RAB33A: variants seen among roughly 807,000 people sequenced by gnomAD.
RAB33A encodes the protein ras-related protein Rab-33A.
RAB33A carries 6 observed loss-of-function variants against 12.0 expected under a neutral mutation model. The observed-to-expected ratio is 0.50, with a 90% CI of 0.27 to 0.99. The LOEUF (loss-of-function observed/expected upper bound fraction) is 0.99, where lower values mean the gene tolerates loss of function less well. RAB33A is among the 50% of genes least tolerant of loss of function. The pLI, the probability that RAB33A is intolerant of heterozygous loss-of-function variation, is 0.11. For synonymous variants in RAB33A, 70 were observed against 82.4 expected (o/e 0.85, Z 0.81); for missense variants, 109 against 192.0 (o/e 0.57, Z 2.55).
At chrX:130,130,409 C>T in the RAB33A span, among the ~76,000 whole-genome samples, 17 of 111,805 alleles carry the variant, frequency 1.5e-4, no homozygotes, top group South Asian at 5.2e-3. Flanking sequence ...CCCTAAACTT[C>T]CCTCCCTTAT....
the RAB33A span, chrX:130,148,058 C>A: frequency 1.9e-6 from 1 of 538,848 alleles, no homozygotes; most frequent in Non-Finnish European, 3.1e-6. Context: ...AGCAAGTATC[C>A]CTTTCATTTC....
intron 1 of RAB33A, among the ~76,000 whole-genome samples, chrX:130,183,896 T>C (rs1343335788): frequency 8.9e-6 from 1 of 111,940 alleles, no homozygotes; most frequent in Non-Finnish European, 1.9e-5. Flanking sequence ...GTCACTTTTT[T>C]TATTTTTTTT....
Position 130,184,520 on chromosome X carries a change from T to G in RAB33A, c.494T>G (p.Leu165Ter). The part of the protein sequence containing the change: ...LREQIQVPSN[L>*]ALKFADAHNM... ...GAACAGATCCAGGTGCCCTCCAACT[T>G]AGCCCTGAAATTTGCTGATGCCCAC... Residue 165 changes from leucine (L) to a stop codon, truncating the protein, a stop_gained, in exon 2 of 2, where the codon TTA (leucine) becomes TGA (stop). Coordinates refer to ENST00000257017, the MANE Select transcript of RAB33A (RefSeq NM_004794.3). LOFTEE classifies it high-confidence loss of function. 1 of 1,211,816 alleles carries G rather than the reference T, an allele frequency of 8.3e-7. No homozygotes were observed. Among genetic ancestry groups the G allele is most frequent in the South Asian group, 1.8e-5 (1 of 57,021 alleles).
the RAB33A span, among the ~76,000 whole-genome samples, chrX:130,163,304 C>CAAAAAA: frequency 1.5e-5 from 1 of 66,847 alleles, no homozygotes; most frequent in African/African-American, 5.0e-5. Flanking sequence ...GACTCCGCCT[C>CAAAAAA]AAAAAAAAAA....
chrX:130,153,178 C>CA, the RAB33A span, among the ~76,000 whole-genome samples: 574 of 43,882 alleles, frequency 0.013, 3 homozygotes, highest in African/African-American at 0.026. Flanking sequence ...ACTAAAAATA[C>CA]AAAAAAAAAA....
intron 1 of RAB33A, among the ~76,000 whole-genome samples, chrX:130,177,655 T>C (rs1280111281): frequency 1.8e-5 from 2 of 111,725 alleles, no homozygotes; most frequent in African/African-American, 6.5e-5. Context: ...TGATTACTAT[T>C]GTTATCATCA....
the RAB33A span, among the ~76,000 whole-genome samples, chrX:130,123,164 T>C: frequency 9.0e-6 from 1 of 111,570 alleles, no homozygotes; most frequent in Admixed American, 9.5e-5. Context: ...TGAAAGACTG[T>C]TGCAGACAAA....
chrX:130,175,492 C>CT (rs5903795), intron 1 of RAB33A, among the ~76,000 whole-genome samples: 30,620 of 75,486 alleles, frequency 0.41, 6,808 homozygotes, highest in African/African-American at 0.61. Context: ...ACTGGGTTTA[C>CT]TTTTTTTTTT....
the RAB33A span, chrX:130,133,477 A>G: frequency 1.7e-5 from 21 of 1,203,735 alleles, no homozygotes; most frequent in Non-Finnish European, 2.4e-5. Context: ...AATACATAAC[A>G]TGAACACATG....
At chrX:130,142,121 C>A in the RAB33A span, among the ~76,000 whole-genome samples, 1 of 112,062 alleles carries the variant, frequency 8.9e-6, no homozygotes, top group East Asian at 2.8e-4. Context: ...TTGCTGCTTT[C>A]AGAGTTTAGT....
upstream of RAB33A, among the ~76,000 whole-genome samples, chrX:130,170,101 G>A (rs1053914617): frequency 2.7e-5 from 3 of 112,512 alleles, no homozygotes; most frequent in Admixed American, 9.4e-5. Context: ...TTAATGCTGA[G>A]TAGTATAATG....
chrX:130,138,405 C>T, the RAB33A span, among the ~76,000 whole-genome samples: 2 of 110,516 alleles, frequency 1.8e-5, no homozygotes, highest in East Asian at 2.9e-4. Context: ...GCGGAGCTTG[C>T]AGTGAGCCGA....
chrX:130,123,700 CAAAAAAAAAA>C, the RAB33A span, among the ~76,000 whole-genome samples: 3 of 39,853 alleles, frequency 7.5e-5, no homozygotes, highest in African/African-American at 3.1e-4. Context: ...GACTCTGTCT[CAAAAAAAAAA>C]AAAAAAAAAA....
At chrX:130,178,195 G>A (rs1162230720) in intron 1 of RAB33A, among the ~76,000 whole-genome samples, 1 of 110,907 alleles carries the variant, frequency 9.0e-6, no homozygotes, top group Non-Finnish European at 1.9e-5. Flanking sequence ...GTGCGTGCCT[G>A]TAGTCCCAGT....
chrX:130,144,385 C>T, the RAB33A span, among the ~76,000 whole-genome samples: 12 of 112,043 alleles, frequency 1.1e-4, 1 homozygote, highest in African/African-American at 3.9e-4. Context: ...GCAAAGCCCT[C>T]CACAATCAGG....
the RAB33A span, among the ~76,000 whole-genome samples, chrX:130,119,478 C>T: frequency 1.8e-5 from 2 of 111,931 alleles, no homozygotes; most frequent in Non-Finnish European, 3.8e-5. Context: ...CAGGAGAGGG[C>T]AGAGGCTGAG....
At chrX:130,150,989 A>G in the RAB33A span, among the ~76,000 whole-genome samples, 1 of 104,189 alleles carries the variant, frequency 9.6e-6, no homozygotes, top group African/African-American at 3.5e-5. Context: ...AAAAAAAAAA[A>G]AAAAAAGAAA....
At chrX:130,180,800 G>C (rs910466914) in intron 1 of RAB33A, among the ~76,000 whole-genome samples, 8 of 105,354 alleles carry the variant, frequency 7.6e-5, no homozygotes, top group Admixed American at 2.1e-4. Flanking sequence ...CTAAGGTCAG[G>C]AGTTTGAGAC....
the RAB33A span, among the ~76,000 whole-genome samples, chrX:130,163,877 C>T: frequency 1.5e-4 from 16 of 110,132 alleles, no homozygotes; most frequent in Admixed American, 1.9e-4. Context: ...AGGTTATCGC[C>T]GGGCGCGGTG....
Sources: allele counts gnomAD v4.1 joint callset (sites outside exome capture counted in the v4.1 genomes callset), GRCh38; gene constraint gnomAD v4.1.1; transcripts MANE v1.5; gene names NCBI Gene and HGNC (gene_info 2026-07-23, HGNC 2026-07-21).